Variants in MTHFD2L observed in about 807,000 individuals in gnomAD.
MTHFD2L encodes the protein methylenetetrahydrofolate dehydrogenase (NADP+ dependent) 2 like.
Under a neutral mutation model 34.9 loss-of-function variants are expected in MTHFD2L, and 29 were observed. The ratio of observed to expected loss-of-function variants is 0.83; its 90% confidence interval spans 0.62 to 1.13. The LOEUF (loss-of-function observed/expected upper bound fraction) is 1.13, where lower values mean the gene tolerates loss of function less well. Ranked by LOEUF, MTHFD2L falls within the 50% of genes most tolerant of loss-of-function variation. The probability of loss-of-function intolerance (pLI) is 0.00; values close to 1 mark genes in which losing one functional copy is unlikely to be tolerated. For synonymous variants in MTHFD2L, 167 were observed against 155.7 expected (o/e 1.07, Z -0.54); for missense variants, 481 against 446.5 (o/e 1.08, Z -0.70).
intron 6 of MTHFD2L, among the ~76,000 whole-genome samples, chr4:74,231,204 C>T (rs1233743259): frequency 4.6e-5 from 7 of 152,106 alleles, no homozygotes; most frequent in Non-Finnish European, 1.0e-4. Context: ...AAGTGACCAA[C>T]GAATTTCCTT....
intron 6 of MTHFD2L, among the ~76,000 whole-genome samples, chr4:74,236,104 G>C (rs906412742): frequency 6.6e-6 from 1 of 152,124 alleles, no homozygotes; most frequent in South Asian, 2.1e-4. Flanking sequence ...TTGCATACTG[G>C]ATTTATTGTG....
At chr4:74,287,676 G>A (rs972788521) in intron 7 of MTHFD2L, among the ~76,000 whole-genome samples, 3 of 152,146 alleles carry the variant, frequency 2.0e-5, no homozygotes, top group Admixed American at 6.5e-5. Flanking sequence ...GAACCTGGGA[G>A]GCAGAGGTTG....
At position 74,199,808 on chromosome 4, in the gene MTHFD2L, C is replaced by G. The variant is rs567368118; in HGVS notation, c.466C>G (p.Arg156Gly). ...TTATTTTTCAGACCACGTTGATGAG[C>G]GAACAATATGCAATGGAATTGCCCC... Reference protein sequence around the residue: ...QLPLPDHVDERTICNGIAPEK... With the variant: ...QLPLPDHVDEGTICNGIAPEK... The change falls in exon 4 of 8, where the codon CGA becomes GGA. Residue 156 changes from arginine (R) to glycine (G), a missense_variant. Transcript: ENST00000325278. 6.2e-7 allele frequency: 1 copy of G among 1,608,450 alleles called. No homozygotes were observed. Among genetic ancestry groups the G allele is most frequent in the African/African-American group, 1.3e-5 (1 of 74,646 alleles).
intron 7 of MTHFD2L, among the ~76,000 whole-genome samples, chr4:74,300,662 C>T (rs907640134): frequency 7.2e-5 from 11 of 152,024 alleles, no homozygotes; most frequent in Non-Finnish European, 1.6e-4. Context: ...AGTCATTCAC[C>T]TTTCATACTG....
chr4:74,254,312 A>C (rs578233123), intron 6 of MTHFD2L, among the ~76,000 whole-genome samples: 25 of 152,308 alleles, frequency 1.6e-4, no homozygotes, highest in Admixed American at 1.6e-3. Flanking sequence ...ATTGAACCAA[A>C]AGAGGTATAT....
At chr4:74,116,462 T>C (rs968411616) in intron 2 of MTHFD2L, among the ~76,000 whole-genome samples, 7 of 152,100 alleles carry the variant, frequency 4.6e-5, no homozygotes, top group African/African-American at 1.7e-4. Flanking sequence ...GCAGTCCTAA[T>C]CAACTTGATT....
At chr4:74,163,335 A>G (rs1193522456) in intron 1 of MTHFD2L, among the ~76,000 whole-genome samples, 1 of 152,208 alleles carries the variant, frequency 6.6e-6, no homozygotes, top group Non-Finnish European at 1.5e-5. Flanking sequence ...TTGAATGTTT[A>G]AAAGGATTGT....
chr4:74,208,927 T>C (rs542302357), intron 5 of MTHFD2L, among the ~76,000 whole-genome samples: 21 of 152,116 alleles, frequency 1.4e-4, no homozygotes, highest in Non-Finnish European at 2.5e-4. Flanking sequence ...TGACAGAGGG[T>C]GCTGTTTTGG....
intron 6 of MTHFD2L, among the ~76,000 whole-genome samples, chr4:74,226,213 A>G (rs540925285): frequency 1.1e-3 from 161 of 152,210 alleles, no homozygotes; most frequent in African/African-American, 3.7e-3. Flanking sequence ...CCCTTTCAAC[A>G]TTATCAAAAT....
At chr4:74,143,397 G>A (rs1236471507) in intron 1 of MTHFD2L, 2 of 985,116 alleles carry the variant, frequency 2.0e-6, no homozygotes, top group African/African-American at 1.7e-5. Flanking sequence ...GTCTAGGCTG[G>A]TGCAGCATGG....
intron 1 of MTHFD2L, among the ~76,000 whole-genome samples, chr4:74,150,153 C>T (rs547668712): frequency 4.6e-5 from 7 of 152,300 alleles, no homozygotes; most frequent in Admixed American, 6.5e-5. Flanking sequence ...GATGGATTCT[C>T]CTTAGAGCCT....
chr4:74,262,497 C>T (rs1336661150), intron 6 of MTHFD2L, among the ~76,000 whole-genome samples: 1 of 151,668 alleles, frequency 6.6e-6, no homozygotes, highest in Non-Finnish European at 1.5e-5. Context: ...TTATACATAA[C>T]AAAGAATTAG....
chr4:74,123,182 TG>T (rs1462161461), upstream of MTHFD2L: 1 of 152,202 alleles, frequency 6.6e-6, no homozygotes, highest in Non-Finnish European at 1.5e-5. Flanking sequence ...TTGAATTTTG[TG>T]TAATTTCCAG....
At chr4:74,204,797 T>C (rs1735020023) in intron 5 of MTHFD2L, among the ~76,000 whole-genome samples, 1 of 152,174 alleles carries the variant, frequency 6.6e-6, no homozygotes, top group Non-Finnish European at 1.5e-5. Flanking sequence ...TTATCATGTA[T>C]GATTTATTTA....
intron 5 of MTHFD2L, among the ~76,000 whole-genome samples, chr4:74,207,861 T>C (rs1735626344): frequency 6.7e-6 from 1 of 149,262 alleles, no homozygotes; most frequent in Non-Finnish European, 1.5e-5. Context: ...CAACGTGATG[T>C]GAGTGGTATG....
chr4:74,166,422 T>A (rs1247629234), intron 1 of MTHFD2L, among the ~76,000 whole-genome samples: 1 of 152,252 alleles, frequency 6.6e-6, no homozygotes, highest in Non-Finnish European at 1.5e-5. Context: ...AAATTAAAAT[T>A]ACTTGTGCAT....
chr4:74,243,499 T>C (rs961257206), intron 6 of MTHFD2L, among the ~76,000 whole-genome samples: 1 of 152,172 alleles, frequency 6.6e-6, no homozygotes, highest in Non-Finnish European at 1.5e-5. Flanking sequence ...TGCTGATTTT[T>C]AAAAACAAAT....
intron 1 of MTHFD2L, among the ~76,000 whole-genome samples, chr4:74,125,729 A>C (rs1459978277): frequency 6.6e-6 from 1 of 152,184 alleles, no homozygotes. Context: ...AATGTAGAGC[A>C]ATATAGCAAA....
intron 1 of MTHFD2L, among the ~76,000 whole-genome samples, chr4:74,170,881 A>G (rs1727797833): frequency 6.6e-6 from 1 of 151,242 alleles, no homozygotes; most frequent in African/African-American, 2.4e-5. Context: ...CGCAAGGACA[A>G]AAAACCAAAC....
Sources: allele counts gnomAD v4.1 joint callset (sites outside exome capture counted in the v4.1 genomes callset), GRCh38; gene constraint gnomAD v4.1.1; transcripts MANE v1.5; gene names NCBI Gene and HGNC (gene_info 2026-07-23, HGNC 2026-07-21).